Variants in ARIH2 observed in about 807,000 individuals in gnomAD.
The protein encoded by ARIH2 is ariadne RBR E3 ubiquitin protein ligase 2.
Under a neutral mutation model 79.8 loss-of-function variants are expected in ARIH2, and 12 were observed. That is an observed-to-expected ratio of 0.15 (90% CI 0.10 to 0.24). The LOEUF is 0.24. Among genes scored for constraint, ARIH2 ranks in the 10% least tolerant of loss-of-function variants. The probability of loss-of-function intolerance (pLI) is 1.00; values close to 1 mark genes in which losing one functional copy is unlikely to be tolerated. For synonymous variants in ARIH2, 224 were observed against 213.9 expected, an observed-to-expected ratio of 1.05 and a Z score of -0.41; for missense variants, 301 against 618.3, an observed-to-expected ratio of 0.49 and a Z score of 5.44.
In ARIH2 at chr3:48,979,594, G is replaced by A. The variant is rs759827720; in HGVS notation, c.1074G>A (p.Ala358=). 1.1e-5 allele frequency: 18 copies of A among 1,614,106 alleles called. No homozygotes were observed. The highest frequency in any genetic ancestry group is 2.2e-5 in the East Asian group (1 of 44,896). ...DIVNQSQQAQ[A]REALKKYLFY... Reference sequence around the variant, plus strand: ...TGAACCAGAGCCAACAAGCCCAGGCGAGGGAAGCCCTCAAGAAGTACTTAT... The same window carrying A: ...TGAACCAGAGCCAACAAGCCCAGGCAAGGGAAGCCCTCAAGAAGTACTTAT... The change falls in exon 12 of 16, where the codon GCG becomes GCA. Residue 358 remains alanine, a synonymous_variant. Coordinates refer to ENST00000356401, the MANE Select transcript of ARIH2 (RefSeq NM_006321.4).
intron 3 of ARIH2, among the ~76,000 whole-genome samples, chr3:48,956,791 C>G (rs896836538): frequency 2.6e-5 from 4 of 151,776 alleles, no homozygotes; most frequent in African/African-American, 9.7e-5. Flanking sequence ...CTCTGCCTCC[C>G]GGGTTCAAGC....
chr3:48,927,311 GGAT>G (rs926415942), intron 2 of ARIH2, 148 bp from the exon 3 acceptor site: 10 of 465,604 alleles, frequency 2.1e-5, no homozygotes, highest in Non-Finnish European at 2.7e-5. Context: ...TGGGCCAGGG[GGAT>G]GATAGTAAGA....
intron 3 of ARIH2, among the ~76,000 whole-genome samples, chr3:48,946,147 A>G (rs1412094328): frequency 6.6e-6 from 1 of 152,140 alleles, no homozygotes; most frequent in Non-Finnish European, 1.5e-5. Context: ...TCACTTCATT[A>G]CATCTCTGTG....
intron 3 of ARIH2, among the ~76,000 whole-genome samples, chr3:48,932,531 A>G (rs2086510387): frequency 6.6e-6 from 1 of 152,272 alleles, no homozygotes; most frequent in Non-Finnish European, 1.5e-5. Flanking sequence ...GTTAGCCAAT[A>G]ATTTTTTTCA....
chr3:48,941,685 C>T (rs1267615660), intron 3 of ARIH2, among the ~76,000 whole-genome samples: 2 of 151,094 alleles, frequency 1.3e-5, no homozygotes, highest in Non-Finnish European at 3.0e-5. Flanking sequence ...CTCCACCTCC[C>T]GGGTTCACGC....
chr3:48,970,686 G>A lies in ARIH2; in HGVS notation c.752G>A (p.Arg251Gln), dbSNP rs772715889. The A allele has an allele frequency of 2.5e-5, 41 of 1,613,714 alleles. No homozygotes were observed. Among genetic ancestry groups the A allele is most frequent in the Admixed American group, 1.8e-4 (11 of 60,024 alleles). The change falls in exon 8 of 16, where the codon CGG becomes CAG. Residue 251 changes from arginine to glutamine, a missense_variant. Physicochemically the swap from Arg to Gln is conservative, Grantham distance 43. Transcript: ENST00000356401. ...EPRARRVQCN[R>Q]CNEVFCFKCR... is the part of the protein sequence containing the mutation. ...AGAGCTCGCCGAGTACAGTGCAATC[G>A]GTGCAACGAGGTCTTCTGGTAAGAG...
intron 8 of ARIH2, among the ~76,000 whole-genome samples, chr3:48,971,851 A>G (rs77973197): frequency 0.011 from 1,633 of 152,286 alleles, 20 homozygotes; most frequent in Non-Finnish European, 0.017. Context: ...GTCCCACTTT[A>G]TGAAATTCTT....
chr3:48,973,404 C>T (rs992164769), intron 8 of ARIH2, among the ~76,000 whole-genome samples: 27 of 151,936 alleles, frequency 1.8e-4, no homozygotes, highest in African/African-American at 6.5e-4. Flanking sequence ...GGTGAAACCC[C>T]GTCTCTACTA....
chr3:48,941,873 G>C (rs1381238562), intron 3 of ARIH2, among the ~76,000 whole-genome samples: 1 of 150,022 alleles, frequency 6.7e-6, no homozygotes, highest in Non-Finnish European at 1.5e-5. Context: ...GTGAGCCACC[G>C]CCCGATTTTT....
At chr3:48,978,421 A>ATGTGTGTG (rs1188251261) in intron 11 of ARIH2, among the ~76,000 whole-genome samples, 13 of 55,790 alleles carry the variant, frequency 2.3e-4, no homozygotes, top group Middle Eastern at 9.4e-3. Flanking sequence ...TAATTTGTGT[A>ATGTGTGTG]TGTGTGTGTG....
intron 3 of ARIH2, among the ~76,000 whole-genome samples, chr3:48,930,702 T>C (rs2086252128): frequency 6.6e-6 from 1 of 152,244 alleles, no homozygotes; most frequent in South Asian, 2.1e-4. Context: ...TTCCGGCTAC[T>C]CTGGTTGTCT....
intron 3 of ARIH2, among the ~76,000 whole-genome samples, chr3:48,955,881 C>G (rs1054872605): frequency 2.0e-5 from 3 of 152,086 alleles, no homozygotes; most frequent in African/African-American, 7.2e-5. Flanking sequence ...GCTGAGACTA[C>G]CTTTTAGAAT....
Position 48,971,164 on chromosome 3 carries a change from C to T in ARIH2, c.770+460C>T, listed in dbSNP as rs551130508. Among the ~76,000 whole-genome samples the T allele has an allele frequency of 3.3e-5, 5 of 152,288 alleles. No homozygotes were observed. The East Asian group carries it at 7.7e-4, about 23-fold the overall frequency. On this transcript the variant is annotated intron_variant, in intron 8 of 15. Coordinates refer to ENST00000356401, the MANE Select transcript of ARIH2 (RefSeq NM_006321.4). ...TACCATGGGAATAACTAAAGTTTAC[C>T]GAAGGCTTACCAGGTGACAGGCACT...
chr3:48,961,494 T>C, intron 3 of ARIH2, 118 bp from the exon 4 acceptor site: 1 of 558,604 alleles, frequency 1.8e-6, no homozygotes, highest in Non-Finnish European at 3.2e-6. Flanking sequence ...AGAGGAGGAA[T>C]TTGGTAATCC....
intron 1 of ARIH2, among the ~76,000 whole-genome samples, chr3:48,919,894 A>C (rs748363270): frequency 3.3e-5 from 5 of 151,740 alleles, no homozygotes; most frequent in Non-Finnish European, 5.9e-5. Flanking sequence ...ACTAAAACTT[A>C]CGTGTTCTGT....
Position 48,981,643 on chromosome 3 carries a change from CTT to C in ARIH2, c.1258-16_1258-15del, listed in dbSNP as rs751479972. 35 of 1,608,674 alleles carry C rather than the reference CTT, an allele frequency of 2.2e-5. 1 individual carries two copies. In the South Asian group the frequency reaches 3.9e-4, roughly 18 times the overall value. ...AGAATCACAGACACAGGTTCCTTCT[CTT>C]CTCTCCTGTTGCAGTGTCGATACAC... On this transcript the variant is annotated splice_polypyrimidine_tract_variant and intron_variant, in intron 13 of 15. Coordinates refer to ENST00000356401, the MANE Select transcript of ARIH2 (RefSeq NM_006321.4).
intron 3 of ARIH2, 98 bp downstream of exon 3, chr3:48,927,911 T>G (rs1288859549): frequency 1.4e-6 from 2 of 1,466,642 alleles, no homozygotes; most frequent in African/African-American, 2.8e-5. Context: ...TGAATGGCCT[T>G]GTAGCTTGAA....
intron 8 of ARIH2, 39 bp from the exon 9 acceptor site, chr3:48,973,655 CTGACT>C (rs2092363508): frequency 8.2e-6 from 12 of 1,470,070 alleles, no homozygotes; most frequent in Non-Finnish European, 1.1e-5. Flanking sequence ...ACATGGGACC[CTGACT>C]TAATGAATAT....
chr3:48,955,176 C>T (rs1430669484), intron 3 of ARIH2, among the ~76,000 whole-genome samples: 4 of 151,986 alleles, frequency 2.6e-5, no homozygotes, highest in Non-Finnish European at 5.9e-5. Context: ...CTAGCCTGGG[C>T]GACAGAATGA....
Sources: allele counts gnomAD v4.1 joint callset (sites outside exome capture counted in the v4.1 genomes callset), GRCh38; gene constraint gnomAD v4.1.1; transcripts MANE v1.5; gene names NCBI Gene and HGNC (gene_info 2026-07-23, HGNC 2026-07-21).